Variants in SORCS1 observed in about 807,000 individuals in gnomAD.
SORCS1 encodes sortilin related VPS10 domain containing receptor 1.
SORCS1 carries 60 observed loss-of-function variants against 146.1 expected under a neutral mutation model. That is an observed-to-expected ratio of 0.41 (90% CI 0.33 to 0.51). The LOEUF is 0.51. Among genes scored for constraint, SORCS1 ranks in the 20% least tolerant of loss-of-function variants. The pLI, the probability that SORCS1 is intolerant of heterozygous loss-of-function variation, is 0.21. For missense variants in SORCS1, 1,352 were observed against 1,487.6 expected, an observed-to-expected ratio of 0.91 and a Z score of 1.50; for synonymous variants, 637 against 584.0, an observed-to-expected ratio of 1.09 and a Z score of -1.31.
the SORCS1 span, among the ~76,000 whole-genome samples, chr10:107,175,526 C>T: frequency 6.6e-6 from 1 of 152,148 alleles, no homozygotes; most frequent in Non-Finnish European, 1.5e-5. Context: ...CAACCTCTGC[C>T]TCCCAGGTTC....
intron 1 of SORCS1, among the ~76,000 whole-genome samples, chr10:107,163,316 T>C (rs949802627): frequency 4.6e-5 from 7 of 152,222 alleles, no homozygotes; most frequent in Admixed American, 6.5e-5. Flanking sequence ...CAACCGCTCA[T>C]TCACGGGCTG....
intron 3 of SORCS1, among the ~76,000 whole-genome samples, chr10:106,807,671 A>G (rs938616458): frequency 1.3e-5 from 2 of 152,254 alleles, no homozygotes; most frequent in East Asian, 3.8e-4. Flanking sequence ...AAGTAATTGC[A>G]TTCCACCAGG....
chr10:106,840,870 T>A (rs1374171877), intron 2 of SORCS1, among the ~76,000 whole-genome samples: 76 of 147,418 alleles, frequency 5.2e-4, no homozygotes, highest in Middle Eastern at 3.5e-3. Context: ...TATATTTTTT[T>A]TTTTTGGATG....
intron 2 of SORCS1, among the ~76,000 whole-genome samples, chr10:106,901,363 C>A (rs1345236233): frequency 4.6e-5 from 7 of 152,114 alleles, no homozygotes; most frequent in African/African-American, 1.7e-4. Flanking sequence ...AATTTATCTA[C>A]AACATAAATA....
At chr10:106,685,321 C>T (rs1368386481) in intron 10 of SORCS1, among the ~76,000 whole-genome samples, 2 of 152,118 alleles carry the variant, frequency 1.3e-5, no homozygotes, top group African/African-American at 4.8e-5. Context: ...AGGTATGATT[C>T]CTGGAGTTGA....
chr10:106,596,730 T>C (rs1038536738), intron 24 of SORCS1, among the ~76,000 whole-genome samples: 4 of 152,178 alleles, frequency 2.6e-5, no homozygotes, highest in Non-Finnish European at 5.9e-5. Flanking sequence ...ATGTTGAAAA[T>C]AAGACTTTGC....
At chr10:106,987,018 T>C (rs746642981) in intron 1 of SORCS1, among the ~76,000 whole-genome samples, 1 of 152,224 alleles carries the variant, frequency 6.6e-6, no homozygotes, top group Non-Finnish European at 1.5e-5. Context: ...TCTGTATGAC[T>C]AGTAATTTTT....
At chr10:106,917,427 A>G (rs1334351670) in intron 2 of SORCS1, among the ~76,000 whole-genome samples, 1 of 152,152 alleles carries the variant, frequency 6.6e-6, no homozygotes, top group African/African-American at 2.4e-5. Flanking sequence ...CTCTGCATCA[A>G]GGCTCTATAT....
intron 21 of SORCS1, among the ~76,000 whole-genome samples, chr10:106,614,823 A>G (rs1847248064): frequency 6.6e-6 from 1 of 152,358 alleles, no homozygotes; most frequent in African/African-American, 2.4e-5. Context: ...GGGCGGACTG[A>G]AAAGGGTAAA....
chr10:106,722,583 G>A (rs1333408159), intron 6 of SORCS1, among the ~76,000 whole-genome samples: 1 of 152,150 alleles, frequency 6.6e-6, no homozygotes, highest in Non-Finnish European at 1.5e-5. Context: ...GTTCCCCGGT[G>A]AATGAGATTA....
intron 4 of SORCS1, among the ~76,000 whole-genome samples, chr10:106,762,661 C>T (rs552497324): frequency 2.4e-4 from 37 of 151,896 alleles, no homozygotes; most frequent in South Asian, 4.2e-4. Flanking sequence ...CCTCCCAAAG[C>T]GCTGGGATTA....
intron 1 of SORCS1, among the ~76,000 whole-genome samples, chr10:107,065,158 G>T (rs1394935473): frequency 1.3e-5 from 2 of 152,152 alleles, no homozygotes; most frequent in Middle Eastern, 3.2e-3. Context: ...GCAGGGATGG[G>T]ATGGATAAGG....
chr10:106,979,486 A>G (rs946461742), intron 1 of SORCS1, among the ~76,000 whole-genome samples: 19 of 152,318 alleles, frequency 1.2e-4, no homozygotes, highest in African/African-American at 4.3e-4. Context: ...ATTAGCCCTC[A>G]GTATGTTTCT....
At chr10:107,076,937 A>G (rs1481641009) in intron 1 of SORCS1, among the ~76,000 whole-genome samples, 2 of 152,118 alleles carry the variant, frequency 1.3e-5, no homozygotes, top group Non-Finnish European at 2.9e-5. Context: ...TTTGCGAAAA[A>G]TCTTATATTG....
chr10:106,633,245 A>G (rs768938932), intron 18 of SORCS1, among the ~76,000 whole-genome samples: 7 of 152,188 alleles, frequency 4.6e-5, no homozygotes, highest in Non-Finnish European at 8.8e-5. Context: ...ACATATATAT[A>G]ATATGTAGTG....
chr10:107,136,210 A>G (rs1967284647), intron 1 of SORCS1, among the ~76,000 whole-genome samples: 1 of 152,240 alleles, frequency 6.6e-6, no homozygotes, highest in African/African-American at 2.4e-5. Flanking sequence ...CGCAAAACTT[A>G]GGAGGACGTT....
chr10:107,051,846 G>A (rs561862127), intron 1 of SORCS1, among the ~76,000 whole-genome samples: 2 of 152,196 alleles, frequency 1.3e-5, no homozygotes, highest in South Asian at 2.1e-4. Flanking sequence ...CAACTTTTTA[G>A]ATGCTAATCC....
chr10:106,641,242 G>A (rs1849052830), intron 18 of SORCS1, among the ~76,000 whole-genome samples: 1 of 152,152 alleles, frequency 6.6e-6, no homozygotes. Context: ...TTGTGTTATG[G>A]AGGTATTTCT....
At chr10:106,876,967 G>C (rs1206124459) in intron 2 of SORCS1, among the ~76,000 whole-genome samples, 1 of 152,162 alleles carries the variant, frequency 6.6e-6, no homozygotes, top group South Asian at 2.1e-4. Context: ...GACAAAGACT[G>C]TGCCTGTACT....
Sources: allele counts gnomAD v4.1 joint callset (sites outside exome capture counted in the v4.1 genomes callset), GRCh38; gene constraint gnomAD v4.1.1; transcripts MANE v1.5; gene names NCBI Gene and HGNC (gene_info 2026-07-23, HGNC 2026-07-21).